Variants in ATRNL1 observed in about 807,000 individuals in gnomAD.
ATRNL1 encodes the protein attractin like 1.
Under a neutral mutation model 182.7 loss-of-function variants are expected in ATRNL1, and 95 were observed. The ratio of observed to expected loss-of-function variants is 0.52; its 90% CI spans 0.44 to 0.62. ATRNL1 has a LOEUF of 0.62. Ranked by LOEUF, ATRNL1 falls within the 20% of genes least tolerant of loss-of-function variation. ATRNL1 has a pLI of 0.00. For synonymous variants in ATRNL1, 576 were observed against 568.3 expected (o/e 1.01, Z -0.19); for missense variants, 1,471 against 1,679.5 (o/e 0.88, Z 2.17).
At chr10:115,476,160 G>A (rs1554973064) in intron 24 of ATRNL1, among the ~76,000 whole-genome samples, 1 of 151,014 alleles carries the variant, frequency 6.6e-6, no homozygotes, top group Non-Finnish European at 1.5e-5. Context: ...TTTTTCCTGT[G>A]ATATTTTCTT....
intron 19 of ATRNL1, among the ~76,000 whole-genome samples, chr10:115,376,182 G>GT (rs1315754503): frequency 2.0e-5 from 3 of 151,476 alleles, no homozygotes; most frequent in Non-Finnish European, 4.4e-5. Flanking sequence ...TAAGGTTGTT[G>GT]TTTTTTTTAA....
intron 8 of ATRNL1, among the ~76,000 whole-genome samples, chr10:115,195,738 A>G (rs1162701789): frequency 6.6e-6 from 1 of 152,046 alleles, no homozygotes; most frequent in Non-Finnish European, 1.5e-5. Flanking sequence ...TCTACATACT[A>G]ATTAAGGCCA....
intron 26 of ATRNL1, among the ~76,000 whole-genome samples, chr10:115,686,358 C>T (rs1348771345): frequency 6.6e-6 from 1 of 151,982 alleles, no homozygotes; most frequent in African/African-American, 2.4e-5. Flanking sequence ...TCTAGCCTCA[C>T]CATTTCTTGA....
intron 1 of ATRNL1, chr10:115,096,507 C>A (rs924797259): frequency 2.3e-6 from 1 of 425,818 alleles, no homozygotes; most frequent in East Asian, 7.6e-5. Flanking sequence ...ACTTCACTAA[C>A]TATCTTGAAA....
At chr10:115,218,942 A>G (rs1849334911) in intron 9 of ATRNL1, among the ~76,000 whole-genome samples, 1 of 152,186 alleles carries the variant, frequency 6.6e-6, no homozygotes, top group South Asian at 2.1e-4. Flanking sequence ...TCTGTGTATA[A>G]GAGAAGACAT....
At chr10:115,671,255 T>C (rs1206712986) in intron 26 of ATRNL1, among the ~76,000 whole-genome samples, 1 of 152,140 alleles carries the variant, frequency 6.6e-6, no homozygotes, top group Non-Finnish European at 1.5e-5. Flanking sequence ...CTAAGAACTG[T>C]TAATAAATGT....
chr10:115,857,936 C>T (rs2907573), intron 28 of ATRNL1, among the ~76,000 whole-genome samples: 1 of 152,074 alleles, frequency 6.6e-6, no homozygotes, highest in Non-Finnish European at 1.5e-5. Context: ...TTCTGGAATT[C>T]ACTGTTAATA....
chr10:115,258,510 C>T (rs562913423), intron 10 of ATRNL1, among the ~76,000 whole-genome samples: 3 of 152,058 alleles, frequency 2.0e-5, no homozygotes, highest in East Asian at 1.9e-4. Flanking sequence ...GTTAGCCATT[C>T]GTCTAATCTT....
At chr10:115,531,110 C>A (rs1413986433) in intron 25 of ATRNL1, among the ~76,000 whole-genome samples, 1 of 151,878 alleles carries the variant, frequency 6.6e-6, no homozygotes, top group East Asian at 1.9e-4. Context: ...GTCTTTATAG[C>A]AGCATGATTT....
chr10:115,602,759 T>G (rs1856670514), intron 26 of ATRNL1, among the ~76,000 whole-genome samples: 1 of 150,074 alleles, frequency 6.7e-6, no homozygotes, highest in Non-Finnish European at 1.5e-5. Flanking sequence ...GCTACTGAGG[T>G]AGGAGAATGG....
chr10:115,514,070 T>G (rs1441139526), intron 24 of ATRNL1, among the ~76,000 whole-genome samples: 3 of 152,008 alleles, frequency 2.0e-5, no homozygotes, highest in Non-Finnish European at 4.4e-5. Context: ...TAATACTCAT[T>G]ATTGTAAAAG....
intron 24 of ATRNL1, among the ~76,000 whole-genome samples, chr10:115,487,879 C>T (rs1384568458): frequency 2.0e-5 from 3 of 152,108 alleles, no homozygotes; most frequent in African/African-American, 7.2e-5. Context: ...TCATAAATAG[C>T]TCTTATTATT....
chr10:115,281,618 A>T, intron 14 of ATRNL1, 131 bp downstream of exon 14: 1 of 861,268 alleles, frequency 1.2e-6, no homozygotes, highest in Non-Finnish European at 1.7e-6. Flanking sequence ...ATAATATTGT[A>T]GTACTAATAA....
intron 27 of ATRNL1, among the ~76,000 whole-genome samples, chr10:115,749,386 C>T (rs900594845): frequency 9.9e-5 from 15 of 151,712 alleles, no homozygotes; most frequent in South Asian, 8.3e-4. Flanking sequence ...ATTGACATTT[C>T]CTGGGCTGCT....
rs931427789 is a variant in ATRNL1, at chr10:115,199,604, A to G, written c.1349-16093A>G. 5.9e-5 allele frequency among the ~76,000 whole-genome samples: 9 copies of G among 152,082 alleles called. No homozygotes were observed. The East Asian group carries it at 1.7e-3, about 29-fold the overall frequency. On this transcript the variant is annotated intron_variant, in intron 8 of 28. Transcript: ENST00000355044. Reference sequence around the variant, plus strand: ...AGTTAAGCATGACTGAAACTTGATTATATCTGCTTTTTATAAAAATATCTT... The same window carrying G: ...AGTTAAGCATGACTGAAACTTGATTGTATCTGCTTTTTATAAAAATATCTT...
rs1554916785 is a variant in ATRNL1, at chr10:115,281,436, A to T, written c.2182A>T (p.Asn728Tyr). 6.2e-7 allele frequency: 1 copy of T among 1,613,626 alleles called. No individual in the cohort carries two copies. Among genetic ancestry groups the T allele is most frequent in the Admixed American group, 1.7e-5 (1 of 59,996 alleles). The change falls in exon 14 of 29, where the codon AAC becomes TAC. Residue 728 changes from asparagine (N) to tyrosine (Y), a missense_variant. Asn to Tyr is a moderately radical substitution (Grantham distance 143, BLOSUM62 -2). Transcript: ENST00000355044. ...TACCAGCTGTAAAAGCTGTTCACTA[A>T]ACTTGAATTGCCAGTGGGATCAGAG... is the stretch of plus-strand genomic sequence containing the variant. ...KLTSCKSCSL[N>Y]LNCQWDQRQQ... is the part of the protein sequence containing the mutation.
intron 27 of ATRNL1, among the ~76,000 whole-genome samples, chr10:115,736,661 T>C (rs1327155077): frequency 4.6e-5 from 7 of 152,188 alleles, no homozygotes; most frequent in South Asian, 2.1e-4. Flanking sequence ...CTTTCCTGCA[T>C]AGAGGATTGC....
intron 24 of ATRNL1, among the ~76,000 whole-genome samples, chr10:115,488,127 T>C (rs1179129933): frequency 6.6e-6 from 1 of 152,176 alleles, no homozygotes; most frequent in Admixed American, 6.6e-5. Context: ...AATTTGCCGG[T>C]ATTTTACTGA....
chr10:115,519,190 C>A, intron 24 of ATRNL1, 73 bp from the exon 25 acceptor site: 1 of 1,242,856 alleles, frequency 8.0e-7, no homozygotes, highest in Non-Finnish European at 1.2e-6. Flanking sequence ...ACTGTATTTA[C>A]AAATGTCATG....
Sources: allele counts gnomAD v4.1 joint callset (sites outside exome capture counted in the v4.1 genomes callset), GRCh38; gene constraint gnomAD v4.1.1; transcripts MANE v1.5; gene names NCBI Gene and HGNC (gene_info 2026-07-23, HGNC 2026-07-21).